The following RASSF8 variants were observed in gnomAD, a reference collection of about 807,000 sequenced individuals.
RASSF8 encodes ras association domain-containing protein 8.
RASSF8 carries 22 observed loss-of-function variants against 48.5 expected under a neutral mutation model. The ratio of observed to expected loss-of-function variants is 0.45; its 90% CI spans 0.32 to 0.65. The LOEUF is 0.65. Among genes scored for constraint, RASSF8 ranks in the 30% least tolerant of loss-of-function variants. RASSF8 has a pLI of 0.03. For missense variants in RASSF8, 418 were observed against 489.2 expected, an observed-to-expected ratio of 0.85 and a Z score of 1.37; for synonymous variants, 127 against 171.5, an observed-to-expected ratio of 0.74 and a Z score of 2.03.
At chr12:26,063,013 G>A (rs1943778870) in intron 3 of RASSF8, among the ~76,000 whole-genome samples, 1 of 152,176 alleles carries the variant, frequency 6.6e-6, no homozygotes, top group African/African-American at 2.4e-5. Context: ...ATTTTTTAAT[G>A]TGCTCCTCAT....
chr12:26,071,371 C>T lies in RASSF8; in HGVS notation c.*2553C>T. The T allele has an allele frequency of 2.1e-6, 2 of 955,238 alleles. No individual in the cohort carries two copies. Among genetic ancestry groups the T allele is most frequent in the Non-Finnish European group, 2.5e-6 (2 of 802,906 alleles). 59.2% of individuals were successfully genotyped at this position (955,238 alleles called of 1,614,324 possible). On this transcript the variant is annotated 3_prime_UTR_variant, in exon 6 of 6. Transcript: ENST00000689635. The stretch of plus-strand genomic sequence containing the variant: ...TTTCATCTGGGGGAATGTTCAGGTT[C>T]TAAATACTAAATTAGATTTCAATGT...
Position 26,072,055 on chromosome 12 carries a change from C to T in RASSF8, c.*3237C>T. On this transcript the variant is annotated 3_prime_UTR_variant, in exon 6 of 6. Transcript: ENST00000689635. ...GGAAATAACACAGAAAAGACAAAAA[C>T]TTTTGATTTCAGGCATGCAAAGTGC... 2.0e-6 allele frequency: 2 copies of T among 985,346 alleles called. No homozygotes were observed. Among genetic ancestry groups the T allele is most frequent in the Non-Finnish European group, 2.4e-6 (2 of 829,880 alleles). 61.0% of individuals were successfully genotyped at this position (985,346 alleles called of 1,614,324 possible).
chr12:25,978,057 C>G (rs112359732), intron 1 of RASSF8, among the ~76,000 whole-genome samples: 3 of 152,300 alleles, frequency 2.0e-5, no homozygotes, highest in African/African-American at 7.2e-5. Flanking sequence ...TACCCACTTG[C>G]TTATCTGTGC....
chr12:26,020,486 C>CCA (rs1942762229), intron 2 of RASSF8: 1 of 152,060 alleles, frequency 6.6e-6, no homozygotes, highest in South Asian at 2.1e-4. Flanking sequence ...ATAAAATAAA[C>CCA]CAACCATAAG....
intron 2 of RASSF8, among the ~76,000 whole-genome samples, chr12:26,018,157 C>G (rs1303693440): frequency 3.3e-5 from 5 of 152,034 alleles, no homozygotes; most frequent in Non-Finnish European, 7.4e-5. Flanking sequence ...CTATAAACAC[C>G]AGTTTTTGTT....
chr12:25,986,926 TTTTG>T (rs1555160451), intron 1 of RASSF8, among the ~76,000 whole-genome samples: 3 of 146,700 alleles, frequency 2.0e-5, no homozygotes, highest in South Asian at 2.2e-4. Flanking sequence ...CGTTTTTTTT[TTTTG>T]TTTGTTTGTT....
Position 25,968,405 on chromosome 12 carries a change from C to T in RASSF8, c.-203+9257C>T, listed in dbSNP as rs559306232. Among the ~76,000 whole-genome samples the T allele has an allele frequency of 6.6e-5, 10 of 152,280 alleles. No homozygotes were observed. In the South Asian group the frequency reaches 1.9e-3, roughly 28 times the overall value. On this transcript the variant is annotated intron_variant, in intron 1 of 5. Coordinates refer to ENST00000689635, the MANE Select transcript of RASSF8 (RefSeq NM_001394098.1). ...TCGCCCAGGCTGGAGTGCAGTGGCA[C>T]GATCTCGGCTCACTGCAGCCCCCGC...
chr12:26,022,913 A>AATTTTGT (rs1942821629), intron 2 of RASSF8, among the ~76,000 whole-genome samples: 1 of 151,876 alleles, frequency 6.6e-6, no homozygotes, highest in South Asian at 2.1e-4. Flanking sequence ...TGTAATTTTG[A>AATTTTGT]ATTTTGTATT....
At chr12:26,044,755 T>C (rs1943336935) in intron 2 of RASSF8, among the ~76,000 whole-genome samples, 1 of 152,204 alleles carries the variant, frequency 6.6e-6, no homozygotes, top group South Asian at 2.1e-4. Flanking sequence ...TTAGTATCTG[T>C]CTTCTCCAGT....
chr12:26,023,186 T>G (rs1357556218), intron 2 of RASSF8, among the ~76,000 whole-genome samples: 1 of 152,134 alleles, frequency 6.6e-6, no homozygotes, highest in African/African-American at 2.4e-5. Flanking sequence ...TTAAGGGCAC[T>G]GACCTATGTA....
chr12:26,078,324 C>T (rs1944088790), intron 5 of RASSF8, among the ~76,000 whole-genome samples: 1 of 152,130 alleles, frequency 6.6e-6, no homozygotes, highest in African/African-American at 2.4e-5. Flanking sequence ...TTGAGAAGTC[C>T]TCTCTTAAAA....
At chr12:26,001,040 A>AGT (rs1261101807) in intron 2 of RASSF8, among the ~76,000 whole-genome samples, 1 of 128,142 alleles carries the variant, frequency 7.8e-6, no homozygotes, top group Non-Finnish European at 1.6e-5. Context: ...GCTGGAGTGC[A>AGT]GTGGCATTGT....
intron 2 of RASSF8, among the ~76,000 whole-genome samples, chr12:26,048,958 A>G (rs1179616128): frequency 6.6e-6 from 1 of 152,048 alleles, no homozygotes; most frequent in Non-Finnish European, 1.5e-5. Context: ...GGGTTTCACC[A>G]TATTGGCCAG....
chr12:26,067,125 T>C (rs186165016), intron 4 of RASSF8, among the ~76,000 whole-genome samples: 152 of 152,328 alleles, frequency 1.0e-3, no homozygotes, highest in African/African-American at 3.5e-3. Context: ...TAATATGAAG[T>C]GGTTAATATG....
intron 1 of RASSF8, among the ~76,000 whole-genome samples, chr12:25,961,187 G>A (rs1301885922): frequency 1.3e-5 from 2 of 152,128 alleles, no homozygotes; most frequent in Non-Finnish European, 2.9e-5. Context: ...TTATGTTGAT[G>A]TATATAATGA....
chr12:25,978,376 C>A (rs1025773108), intron 1 of RASSF8, among the ~76,000 whole-genome samples: 1 of 152,162 alleles, frequency 6.6e-6, no homozygotes, highest in African/African-American at 2.4e-5. Flanking sequence ...AGTCACAAAC[C>A]GCCACATTCC....
chr12:25,996,172 A>C (rs1214034374), intron 2 of RASSF8, among the ~76,000 whole-genome samples: 1 of 152,210 alleles, frequency 6.6e-6, no homozygotes, highest in African/African-American at 2.4e-5. Flanking sequence ...AGATAGCCTG[A>C]TTCTAATAAG....
At chr12:25,976,552 G>C (rs1018282112) in intron 1 of RASSF8, among the ~76,000 whole-genome samples, 8 of 152,208 alleles carry the variant, frequency 5.3e-5, no homozygotes, top group African/African-American at 1.9e-4. Context: ...TCGGTTACAT[G>C]AGATGAGCCT....
chr12:26,066,156 A>G (rs1469211412), intron 4 of RASSF8, among the ~76,000 whole-genome samples: 2 of 152,202 alleles, frequency 1.3e-5, no homozygotes, highest in African/African-American at 4.8e-5. Context: ...ACATGGTCAC[A>G]TTTCAAGTGC....
Sources: gnomAD v4.1 joint callset for allele counts (sites outside exome capture counted in the v4.1 genomes callset) on GRCh38, gnomAD v4.1.1 for gene constraint, MANE v1.5 for transcripts, NCBI Gene and HGNC (gene_info 2026-07-23, HGNC 2026-07-21) for gene names.